The following SOCS2 variants were observed in gnomAD, a reference collection of about 807,000 sequenced individuals.
SOCS2 encodes the protein CIS-2.
In SOCS2, 10 loss-of-function variants were observed where a neutral mutation model predicts 18.6. The ratio of observed to expected loss-of-function variants is 0.54; its 90% CI spans 0.33 to 0.91. The LOEUF (loss-of-function observed/expected upper bound fraction) is 0.91, where lower values mean the gene tolerates loss of function less well. Ranked by LOEUF, SOCS2 falls within the 40% of genes least tolerant of loss-of-function variation. SOCS2 has a pLI of 0.02. For synonymous variants in SOCS2, 104 were observed against 104.0 expected, an observed-to-expected ratio of 1.00 and a Z score of 0.00; for missense variants, 231 against 247.2, an observed-to-expected ratio of 0.93 and a Z score of 0.44.
downstream of SOCS2, among the ~76,000 whole-genome samples, chr12:93,581,476 C>T (rs1244391162): frequency 1.3e-5 from 2 of 151,666 alleles, no homozygotes; most frequent in African/African-American, 4.9e-5. Flanking sequence ...TACTATGGAT[C>T]AGGCCATCTC....
downstream of SOCS2, among the ~76,000 whole-genome samples, chr12:93,580,573 A>G (rs1228190756): frequency 1.3e-5 from 2 of 148,534 alleles, no homozygotes; most frequent in Non-Finnish European, 3.0e-5. Context: ...GTGAGCGGCA[A>G]TCTTACCACT....
chr12:93,580,419 C>T (rs1182416934), downstream of SOCS2, among the ~76,000 whole-genome samples: 3 of 151,904 alleles, frequency 2.0e-5, no homozygotes, highest in South Asian at 2.1e-4. Flanking sequence ...GTCAGGAGTT[C>T]GAGCCAGCCT....
At chr12:93,602,085 G>A in the SOCS2 span, among the ~76,000 whole-genome samples, 1 of 152,232 alleles carries the variant, frequency 6.6e-6, no homozygotes, top group African/African-American at 2.4e-5. Context: ...AATTATGTCA[G>A]TCCTTAGTAT....
upstream of SOCS2, chr12:93,570,806 G>T (rs1954219661): frequency 6.6e-6 from 1 of 152,584 alleles, no homozygotes; most frequent in Non-Finnish European, 1.5e-5. Context: ...CCCTGCACCC[G>T]AGCGCTCTCA....
At chr12:93,601,467 T>A in the SOCS2 span, among the ~76,000 whole-genome samples, 2 of 151,972 alleles carry the variant, frequency 1.3e-5, no homozygotes, top group African/African-American at 4.8e-5. Context: ...TTTCATCATG[T>A]TGGCCAGGCT....
At chr12:93,589,137 C>T in the SOCS2 span, among the ~76,000 whole-genome samples, 3 of 152,336 alleles carry the variant, frequency 2.0e-5, no homozygotes, top group African/African-American at 7.2e-5. Flanking sequence ...CCTGCCAGTC[C>T]TACACCTTTC....
chr12:93,602,554 T>A, the SOCS2 span, among the ~76,000 whole-genome samples: 1 of 152,158 alleles, frequency 6.6e-6, no homozygotes, highest in Non-Finnish European at 1.5e-5. Context: ...CAGTTTCCAA[T>A]TAAGATTCAA....
chr12:93,605,919 T>G, the SOCS2 span, among the ~76,000 whole-genome samples: 2 of 152,352 alleles, frequency 1.3e-5, no homozygotes, highest in African/African-American at 4.8e-5. Context: ...AGACAGGGTA[T>G]AGTTTCATAT....
At chr12:93,621,908 C>T in the SOCS2 span, among the ~76,000 whole-genome samples, 15 of 152,248 alleles carry the variant, frequency 9.9e-5, no homozygotes, top group Non-Finnish European at 2.2e-4. Flanking sequence ...AGTGGTGAAG[C>T]GAGCAGAATA....
the SOCS2 span, among the ~76,000 whole-genome samples, chr12:93,618,516 C>A: frequency 1.3e-5 from 2 of 152,272 alleles, no homozygotes; most frequent in African/African-American, 4.8e-5. Flanking sequence ...TGCCCACCAC[C>A]CTTCCCCAGC....
the SOCS2 span, among the ~76,000 whole-genome samples, chr12:93,624,015 G>A: frequency 9.2e-5 from 14 of 152,244 alleles, no homozygotes; most frequent in South Asian, 1.7e-3. Context: ...GAGCCACTGC[G>A]CCTGGTCTTA....
At chr12:93,598,236 T>G in the SOCS2 span, among the ~76,000 whole-genome samples, 1 of 152,024 alleles carries the variant, frequency 6.6e-6, no homozygotes, top group East Asian at 1.9e-4. Flanking sequence ...AACGTAAGGA[T>G]GAGTTTGGTT....
chr12:93,604,933 A>G, the SOCS2 span, among the ~76,000 whole-genome samples: 1 of 150,354 alleles, frequency 6.7e-6, no homozygotes, highest in Non-Finnish European at 1.5e-5. Flanking sequence ...AAGTGCTAGG[A>G]TTACAGGTGT....
the SOCS2 span, among the ~76,000 whole-genome samples, chr12:93,620,722 C>A: frequency 6.6e-6 from 1 of 152,208 alleles, no homozygotes; most frequent in Non-Finnish European, 1.5e-5. Context: ...CCTGGAGCGA[C>A]ATTTATTCCT....
the SOCS2 span, among the ~76,000 whole-genome samples, chr12:93,597,156 G>A: frequency 6.6e-6 from 1 of 152,122 alleles, no homozygotes; most frequent in Non-Finnish European, 1.5e-5. Flanking sequence ...TAAAGTGTTT[G>A]TGTAGTTCTG....
At chr12:93,581,470 A>G (rs529464995), downstream of SOCS2, among the ~76,000 whole-genome samples, 19 of 151,464 alleles carry the variant, frequency 1.3e-4, no homozygotes, top group African/African-American at 3.9e-4. Context: ...GTCTTCTACT[A>G]TGGATCAGGC....
chr12:93,600,377 A>G, the SOCS2 span, among the ~76,000 whole-genome samples: 1 of 151,504 alleles, frequency 6.6e-6, no homozygotes, highest in Non-Finnish European at 1.5e-5. Context: ...TTCTTTTGTA[A>G]TTACTATAGC....
chr12:93,590,377 A>G, the SOCS2 span, among the ~76,000 whole-genome samples: 1 of 152,160 alleles, frequency 6.6e-6, no homozygotes, highest in South Asian at 2.1e-4. Context: ...TTCCAATAAC[A>G]TTTCTCAATC....
the SOCS2 span, among the ~76,000 whole-genome samples, chr12:93,621,682 C>T: frequency 6.6e-6 from 1 of 152,090 alleles, no homozygotes; most frequent in Non-Finnish European, 1.5e-5. Context: ...TGGAGTCTCA[C>T]TATGCTGTTC....
Sources: gnomAD v4.1 joint callset for allele counts (sites outside exome capture counted in the v4.1 genomes callset) on GRCh38, gnomAD v4.1.1 for gene constraint, MANE v1.5 for transcripts, NCBI Gene and HGNC (gene_info 2026-07-23, HGNC 2026-07-21) for gene names.